CBFB: variants seen among roughly 807,000 people sequenced by gnomAD.
CBFB encodes core-binding factor subunit beta, also known as CBF-beta.
CBFB carries 9 observed loss-of-function variants against 30.4 expected under a neutral mutation model. The ratio of observed to expected loss-of-function variants is 0.30; its 90% confidence interval spans 0.18 to 0.52. The LOEUF (loss-of-function observed/expected upper bound fraction) is 0.52. CBFB is among the 20% of genes least tolerant of loss of function. The pLI is 0.97. For missense variants in CBFB, 170 were observed against 244.0 expected, an observed-to-expected ratio of 0.70 and a Z score of 2.02; for synonymous variants, 94 against 84.0, an observed-to-expected ratio of 1.12 and a Z score of -0.65.
chr16:67,036,485 T>A, intron 2 of CBFB, 154 bp from the exon 3 acceptor site: 1 of 561,312 alleles, frequency 1.8e-6, no homozygotes, highest in Non-Finnish European at 3.2e-6. Context: ...AACTTAATAC[T>A]TAAGAAAAAT....
rs1962151198 is a variant in CBFB, at chr16:67,099,361, A to G, written c.*583A>G. 2 of 223,618 alleles carry G rather than the reference A, an allele frequency of 8.9e-6. No individual in the cohort carries two copies. The highest frequency in any genetic ancestry group is 1.8e-4 in the South Asian group (1 of 5,440). 13.9% of individuals were successfully genotyped at this position (223,618 alleles called of 1,614,324 possible). On this transcript the variant is annotated 3_prime_UTR_variant, in exon 6 of 6. Coordinates refer to ENST00000412916, the MANE Select transcript of CBFB (RefSeq NM_022845.3). Reference sequence around the variant, plus strand: ...AGCTGTCTGCCACAGCCTTCTGACAAAGTTTACAGTTATTAAAGTTGCAGT... The same window carrying G: ...AGCTGTCTGCCACAGCCTTCTGACAGAGTTTACAGTTATTAAAGTTGCAGT...
chr16:67,068,995 A>G (rs1435008946), intron 4 of CBFB, among the ~76,000 whole-genome samples: 1 of 152,146 alleles, frequency 6.6e-6, no homozygotes, highest in Non-Finnish European at 1.5e-5. Flanking sequence ...CGGGCGGATC[A>G]CCTGAGGTCA....
intron 2 of CBFB, among the ~76,000 whole-genome samples, chr16:67,032,610 C>T (rs1218490412): frequency 1.3e-5 from 2 of 152,124 alleles, no homozygotes; most frequent in Non-Finnish European, 2.9e-5. Context: ...TGTATAAACC[C>T]CTCTGGATAC....
At chr16:67,081,849 C>CT (rs528453178) in intron 4 of CBFB, among the ~76,000 whole-genome samples, 213 of 145,788 alleles carry the variant, frequency 1.5e-3, no homozygotes, top group African/African-American at 4.4e-3. Flanking sequence ...TTTTCTTTTC[C>CT]TTTTTTTTTG....
At chr16:67,070,059 A>T (rs900746260) in intron 4 of CBFB, among the ~76,000 whole-genome samples, 6 of 152,252 alleles carry the variant, frequency 3.9e-5, no homozygotes, top group African/African-American at 1.4e-4. Context: ...TGTTTGCTTG[A>T]TATTAACCTT....
intron 5 of CBFB, among the ~76,000 whole-genome samples, chr16:67,083,734 A>G (rs1961636469): frequency 6.6e-6 from 1 of 152,030 alleles, no homozygotes; most frequent in Admixed American, 6.6e-5. Context: ...TTGGTTTCTG[A>G]ATTTTGATGT....
At chr16:67,067,878 G>A (rs565929379) in intron 4 of CBFB, among the ~76,000 whole-genome samples, 1 of 152,342 alleles carries the variant, frequency 6.6e-6, no homozygotes, top group African/African-American at 2.4e-5. Flanking sequence ...TTCAGGGAAA[G>A]TGATAGGTAA....
At chr16:67,036,905 A>AT (rs1037819747) in intron 3 of CBFB, 150 bp downstream of exon 3, 36,273 of 429,600 alleles carry the variant, frequency 0.084, 3 homozygotes, top group East Asian at 0.11. Context: ...ATGTAATATA[A>AT]TTTTTTTTTT....
chr16:67,076,249 C>T (rs1352074065), intron 4 of CBFB, among the ~76,000 whole-genome samples: 1 of 151,872 alleles, frequency 6.6e-6, no homozygotes, highest in Non-Finnish European at 1.5e-5. Flanking sequence ...AAAAAATTAG[C>T]CAGGCATGGT....
chr16:67,046,347 C>T (rs566201423), intron 3 of CBFB, among the ~76,000 whole-genome samples: 6 of 152,076 alleles, frequency 3.9e-5, no homozygotes, highest in African/African-American at 4.8e-5. Flanking sequence ...GCAATCCTCT[C>T]GCCTTGGCCT....
chr16:67,035,747 C>CT (rs1412138856), intron 2 of CBFB, among the ~76,000 whole-genome samples: 1 of 152,142 alleles, frequency 6.6e-6, no homozygotes, highest in Non-Finnish European at 1.5e-5. Flanking sequence ...AAACAAAAAA[C>CT]TTTTTCTGGT....
chr16:67,035,124 G>C (rs1357576470), intron 2 of CBFB, among the ~76,000 whole-genome samples: 1 of 151,938 alleles, frequency 6.6e-6, no homozygotes, highest in Non-Finnish European at 1.5e-5. Flanking sequence ...TTGTTGTCCA[G>C]GCTGGAGCAC....
intron 2 of CBFB, among the ~76,000 whole-genome samples, chr16:67,033,405 T>C (rs1445586952): frequency 1.3e-5 from 2 of 152,090 alleles, no homozygotes; most frequent in Non-Finnish European, 2.9e-5. Context: ...AGTGGTGCCA[T>C]CTCCGTTCAC....
chr16:67,030,304 G>C (rs1966315272), intron 2 of CBFB: 1 of 153,584 alleles, frequency 6.5e-6, no homozygotes, highest in South Asian at 2.0e-4. Context: ...AGGGGAGGGG[G>C]GGGAAAAGGC....
chr16:67,052,754 G>A (rs1218545123), intron 3 of CBFB, among the ~76,000 whole-genome samples: 1 of 151,978 alleles, frequency 6.6e-6, no homozygotes, highest in African/African-American at 2.4e-5. Context: ...TTGAGCCCAG[G>A]AGTTACAGAC....
rs1961069784 is a variant in CBFB at position 67,066,694 on chromosome 16, G to A, written c.295G>A (p.Ala99Thr). 1.9e-6 allele frequency: 3 copies of A among 1,590,076 alleles called. No homozygotes were observed. Among genetic ancestry groups the A allele is most frequent in the Non-Finnish European group, 2.6e-6 (3 of 1,160,710 alleles). ...TTCTGTGTCTTAGGTATATTTGAAG[G>A]CTCCCATGATTCTGAATGGAGTCTG... ...EREAGKVYLKAPMILNGVCVI... is the reference protein window; with the variant it reads ...EREAGKVYLKTPMILNGVCVI... Residue 99 changes from alanine (A) to threonine (T), a missense_variant, in exon 4 of 6, where the codon GCT (alanine) becomes ACT (threonine). Coordinates refer to ENST00000412916, the MANE Select transcript of CBFB (RefSeq NM_022845.3).
At chr16:67,041,948 G>C (rs1272146962) in intron 3 of CBFB, among the ~76,000 whole-genome samples, 2 of 141,308 alleles carry the variant, frequency 1.4e-5, no homozygotes, top group Non-Finnish European at 3.0e-5. Flanking sequence ...TTATTCTGTT[G>C]CCAGGCTGGA....
intron 3 of CBFB, among the ~76,000 whole-genome samples, chr16:67,053,254 T>A (rs1960613745): frequency 6.8e-6 from 1 of 146,642 alleles, no homozygotes; most frequent in African/African-American, 2.5e-5. Flanking sequence ...CTCTCTTTTT[T>A]TTTTTTTTTT....
At chr16:67,044,373 AAGAG>A (rs1454465622) in intron 3 of CBFB, among the ~76,000 whole-genome samples, 1 of 152,184 alleles carries the variant, frequency 6.6e-6, no homozygotes, top group Non-Finnish European at 1.5e-5. Context: ...ACCTCAGAAA[AAGAG>A]AGGTTAAACT....
Sources: gnomAD v4.1 joint callset for allele counts (sites outside exome capture counted in the v4.1 genomes callset) on GRCh38, gnomAD v4.1.1 for gene constraint, MANE v1.5 for transcripts, NCBI Gene and HGNC (gene_info 2026-07-23, HGNC 2026-07-21) for gene names.